Variants in C8orf34 observed in about 807,000 individuals in gnomAD.
C8orf34 encodes uncharacterized protein C8orf34.
A neutral mutation model predicts 68.3 loss-of-function variants in C8orf34; 65 were observed. That is an observed-to-expected ratio of 0.95 (90% confidence interval 0.78 to 1.17). C8orf34 has a LOEUF of 1.17. C8orf34 is among the 50% of genes most tolerant of loss of function. C8orf34 has a pLI of 0.00. For synonymous variants in C8orf34, 244 were observed against 241.2 expected (o/e 1.01, Z -0.11); for missense variants, 664 against 655.4 (o/e 1.01, Z -0.14).
At chr8:68,792,070 A>G (rs762038234) in intron 12 of C8orf34, 5 of 152,172 alleles carry the variant, frequency 3.3e-5, no homozygotes, top group African/African-American at 7.2e-5. Flanking sequence ...TCTCATGTGT[A>G]AATGTAAGAA....
chr8:68,389,813 A>C (rs1808407938), intron 1 of C8orf34, among the ~76,000 whole-genome samples: 1 of 152,182 alleles, frequency 6.6e-6, no homozygotes, highest in Non-Finnish European at 1.5e-5. Context: ...TAGTGAACTT[A>C]TCTGGGGAGA....
At chr8:68,583,779 T>C (rs1817130890) in intron 7 of C8orf34, among the ~76,000 whole-genome samples, 1 of 152,130 alleles carries the variant, frequency 6.6e-6, no homozygotes. Flanking sequence ...AATTTGAAGT[T>C]TTCCTAAAAT....
chr8:68,466,369 C>T (rs1421956337), intron 3 of C8orf34, among the ~76,000 whole-genome samples: 1 of 151,940 alleles, frequency 6.6e-6, no homozygotes, highest in Non-Finnish European at 1.5e-5. Flanking sequence ...AGTAGATGCA[C>T]ACCCTAAGTG....
intron 8 of C8orf34, among the ~76,000 whole-genome samples, chr8:68,642,320 T>C (rs2130742714): frequency 6.6e-6 from 1 of 152,334 alleles, no homozygotes; most frequent in East Asian, 1.9e-4. Flanking sequence ...AGGAGAAATA[T>C]ATTGATTCAG....
chr8:68,540,828 C>T (rs944682454), intron 7 of C8orf34, among the ~76,000 whole-genome samples: 2 of 139,252 alleles, frequency 1.4e-5, no homozygotes, highest in Admixed American at 7.6e-5. Context: ...GGCGACAGAG[C>T]GAGACTGCGT....
intron 7 of C8orf34, among the ~76,000 whole-genome samples, chr8:68,587,606 T>C (rs1817246493): frequency 6.6e-6 from 1 of 152,002 alleles, no homozygotes; most frequent in South Asian, 2.1e-4. Context: ...CTTAATAAAA[T>C]AAAACTAAGA....
chr8:68,575,460 T>A (rs905448981), intron 7 of C8orf34, among the ~76,000 whole-genome samples: 4 of 152,128 alleles, frequency 2.6e-5, no homozygotes, highest in Non-Finnish European at 5.9e-5. Context: ...TACTGCCTAC[T>A]CGTGTTTTCA....
chr8:68,754,744 T>C lies in C8orf34; in HGVS notation c.1405-21655T>C, dbSNP rs182133172. ...TATAAAACTTTGAAGGTGACATGGG[T>C]ATCATAGTCTATTACCAGTCACGGA... On this transcript the variant is annotated intron_variant, in intron 10 of 13. Transcript: ENST00000518698. Among the ~76,000 whole-genome samples the C allele has an allele frequency of 1.1e-3, 170 of 152,346 alleles. 1 individual carries two copies. Among genetic ancestry groups the C allele is most frequent in the African/African-American group, 3.4e-3 (143 of 41,594 alleles).
chr8:68,757,719 T>C (rs980806275), intron 10 of C8orf34, among the ~76,000 whole-genome samples: 1 of 152,222 alleles, frequency 6.6e-6, no homozygotes, highest in Non-Finnish European at 1.5e-5. Context: ...AATTTACATT[T>C]AGGCCAAGCT....
chr8:68,345,903 A>C (rs1014696414), intron 1 of C8orf34, among the ~76,000 whole-genome samples: 1 of 152,072 alleles, frequency 6.6e-6, no homozygotes, highest in East Asian at 1.9e-4. Flanking sequence ...AATACTAACA[A>C]ATGTATTAAC....
intron 7 of C8orf34, among the ~76,000 whole-genome samples, chr8:68,616,708 A>C (rs935607757): frequency 3.3e-5 from 5 of 152,066 alleles, no homozygotes; most frequent in African/African-American, 1.2e-4. Flanking sequence ...CTTTACTTCC[A>C]ACTATGTGGT....
intron 2 of C8orf34, among the ~76,000 whole-genome samples, chr8:68,441,755 GA>G (rs1334885124): frequency 2.6e-5 from 4 of 152,140 alleles, no homozygotes; most frequent in African/African-American, 9.7e-5. Flanking sequence ...TCATAACACT[GA>G]CACCTCATCA....
chr8:68,603,524 T>TA (rs1491315422), intron 7 of C8orf34, among the ~76,000 whole-genome samples: 37,779 of 120,324 alleles, frequency 0.31, 6,668 homozygotes, highest in African/African-American at 0.55. Flanking sequence ...TATACATATA[T>TA]CTATCTATCT....
At chr8:68,755,663 G>A (rs1027490239) in intron 10 of C8orf34, among the ~76,000 whole-genome samples, 3 of 152,040 alleles carry the variant, frequency 2.0e-5, no homozygotes, top group Admixed American at 2.0e-4. Flanking sequence ...TTGTGTAGAC[G>A]TCCAACCTCC....
chr8:68,524,424 A>G (rs1814890566), intron 6 of C8orf34, among the ~76,000 whole-genome samples: 1 of 152,330 alleles, frequency 6.6e-6, no homozygotes, highest in African/African-American at 2.4e-5. Context: ...TAGAAAAGAA[A>G]CTGTGAGGGT....
intron 7 of C8orf34, among the ~76,000 whole-genome samples, chr8:68,546,424 A>G (rs1002064255): frequency 1.4e-4 from 21 of 151,930 alleles, no homozygotes; most frequent in African/African-American, 4.3e-4. Context: ...TAAAAAGTAT[A>G]TTCAATAGGA....
At chr8:68,700,571 G>A (rs138435876) in intron 8 of C8orf34, among the ~76,000 whole-genome samples, 2 of 152,156 alleles carry the variant, frequency 1.3e-5, no homozygotes, top group South Asian at 2.1e-4. Context: ...GTTATTCTGG[G>A]GACCACAAGT....
At chr8:68,778,770 G>T (rs988533560) in intron 11 of C8orf34, among the ~76,000 whole-genome samples, 3 of 152,048 alleles carry the variant, frequency 2.0e-5, no homozygotes, top group Non-Finnish European at 4.4e-5. Context: ...TTAGTTTTTG[G>T]ATTATATTAA....
intron 7 of C8orf34, among the ~76,000 whole-genome samples, chr8:68,625,234 G>T (rs532736832): frequency 7.2e-5 from 11 of 152,110 alleles, no homozygotes; most frequent in Non-Finnish European, 1.3e-4. Context: ...TTCTTGGCCT[G>T]CTCCCAGTAT....
Sources: allele counts gnomAD v4.1 joint callset (sites outside exome capture counted in the v4.1 genomes callset), GRCh38; gene constraint gnomAD v4.1.1; transcripts MANE v1.5; gene names NCBI Gene and HGNC (gene_info 2026-07-23, HGNC 2026-07-21).